CAT: variants seen among roughly 807,000 people sequenced by gnomAD.
CAT encodes catalase.
A neutral mutation model predicts 59.0 loss-of-function variants in CAT; 43 were observed. That is an observed-to-expected ratio of 0.73 (90% CI 0.57 to 0.94). The LOEUF is 0.94. Among genes scored for constraint, CAT ranks in the 40% least tolerant of loss-of-function variants. CAT has a pLI of 0.00. For missense variants in CAT, 664 were observed against 682.9 expected (o/e 0.97, Z 0.31); for synonymous variants, 218 against 230.9 (o/e 0.94, Z 0.51).
chr11:34,462,687 A>G (rs4755373), intron 9 of CAT, among the ~76,000 whole-genome samples: 41,820 of 151,990 alleles, frequency 0.28, 6,203 homozygotes, highest in East Asian at 0.49. Context: ...CAAAGTGCTG[A>G]GATTACAGGC....
At chr11:34,447,881 G>A (rs1179622793) in intron 1 of CAT, among the ~76,000 whole-genome samples, 1 of 152,190 alleles carries the variant, frequency 6.6e-6, no homozygotes, top group Non-Finnish European at 1.5e-5. Context: ...TACATAGCTG[G>A]TAATTGGTAG....
intron 3 of CAT, 54 bp downstream of exon 3, chr11:34,451,152 G>A (rs1856520070): frequency 9.7e-7 from 1 of 1,033,098 alleles, no homozygotes; most frequent in African/African-American, 1.6e-5. Context: ...TCACCTTTTG[G>A]GGATGTTTAT....
chr11:34,445,798 T>C (rs2133178715), intron 1 of CAT, among the ~76,000 whole-genome samples: 1 of 152,280 alleles, frequency 6.6e-6, no homozygotes, highest in South Asian at 2.1e-4. Flanking sequence ...TTAAAAACAA[T>C]AATTGCAAGT....
chr11:34,438,960 G>C lies in CAT; in HGVS notation c.-54G>C. 6.8e-7 allele frequency: 1 copy of C among 1,480,108 alleles called. No homozygotes were observed. The highest frequency in any genetic ancestry group is 9.2e-7 in the Non-Finnish European group (1 of 1,081,402). The allele number at this position is 1,480,108 out of a possible 1,614,324, so 91.7% of individuals were successfully genotyped here. A position where few individuals can be genotyped will look rare whatever the true frequency, so the allele number is the denominator to read the frequency against. On this transcript the variant is annotated 5_prime_UTR_variant, in exon 1 of 13. Coordinates refer to ENST00000241052, the MANE Select transcript of CAT (RefSeq NM_001752.4). ...ACAGGCAGATTTGCCTGCTGAGGGT[G>C]GAGACCCACGAGCCGAGGCCTCCTG...
At chr11:34,463,159 C>A (rs1427965041) in intron 9 of CAT, among the ~76,000 whole-genome samples, 1 of 152,126 alleles carries the variant, frequency 6.6e-6, no homozygotes, top group East Asian at 1.9e-4. Flanking sequence ...CTGGGCCACT[C>A]CTGTTTAGGC....
At chr11:34,451,165 C>T (rs1328778130) in intron 3 of CAT, 67 bp downstream of exon 3, 1 of 959,754 alleles carries the variant, frequency 1.0e-6, no homozygotes, top group Non-Finnish European at 1.7e-6. Context: ...ATGTTTATAA[C>T]TTAAAGAAAA....
Position 34,467,272 on chromosome 11 carries a change from C to T in CAT, c.1327-1016C>T, listed in dbSNP as rs150635751. ...AAGTCAACAGATATAGTGACCCAGT[C>T]GATGTTTTCACGCAATATGTCAAAT... On this transcript the variant is annotated intron_variant, in intron 10 of 12. Transcript: ENST00000241052. 1.6e-3 allele frequency among the ~76,000 whole-genome samples: 244 copies of T among 152,160 alleles called. 1 individual carries two copies. Among genetic ancestry groups the T allele is most frequent in the African/African-American group, 5.6e-3 (234 of 41,510 alleles).
In CAT at chr11:34,471,368, A is replaced by G. The variant is rs781688869; in HGVS notation, c.1519A>G (p.Asn507Asp). 2.0e-5 allele frequency: 33 copies of G among 1,613,690 alleles called. No individual in the cohort carries two copies. In the Admixed American group the frequency reaches 5.2e-4, roughly 25 times the overall value. Residue 507 changes from asparagine to aspartate, a missense_variant and splice_region_variant, in exon 13 of 13, where the codon AAT becomes GAT. By Grantham distance (23) the Asn-to-Asp change is conservative. Transcript: ENST00000241052. ...TGCTCATCTTGTTCTTTTAAAACAG[A>G]ATGCGATTCACACCTTTGTGCAGTC... ...LDKYNAEKPK[N>D]AIHTFVQSGS...
chr11:34,471,174 C>T (rs1055063256), intron 12 of CAT, 133 bp downstream of exon 12: 1 of 929,624 alleles, frequency 1.1e-6, no homozygotes, highest in African/African-American at 1.6e-5. Flanking sequence ...GGCAGCTGTG[C>T]AGAAATTCAT....
chr11:34,452,699 AC>A (rs1430968753), intron 4 of CAT, among the ~76,000 whole-genome samples: 1 of 152,120 alleles, frequency 6.6e-6, no homozygotes, highest in Non-Finnish European at 1.5e-5. Flanking sequence ...GCAAAAAAAT[AC>A]AAAAATTAGC....
chr11:34,461,155 T>A (rs1856644982), intron 8 of CAT, 96 bp from the exon 9 acceptor site: 1 of 1,317,432 alleles, frequency 7.6e-7, no homozygotes, highest in Non-Finnish European at 1.1e-6. Flanking sequence ...ATGTACAGAG[T>A]GCTTTGTACT....
At chr11:34,444,928 A>C (rs1343041515) in intron 1 of CAT, among the ~76,000 whole-genome samples, 1 of 152,262 alleles carries the variant, frequency 6.6e-6, no homozygotes, top group Non-Finnish European at 1.5e-5. Context: ...GGCAGTTTTC[A>C]TAACAAGTGT....
intron 1 of CAT, among the ~76,000 whole-genome samples, chr11:34,447,062 T>A (rs1437308922): frequency 6.6e-6 from 1 of 152,180 alleles, no homozygotes; most frequent in Non-Finnish European, 1.5e-5. Flanking sequence ...CCTTTATTTT[T>A]TAAAGGCTTC....
chr11:34,448,733 C>T lies in CAT; in HGVS notation c.67-459C>T, dbSNP rs568627896. Among the ~76,000 whole-genome samples, 4 of 152,088 alleles carry T rather than the reference C, an allele frequency of 2.6e-5. No individual in the cohort carries two copies. The South Asian group carries it at 6.2e-4, about 24-fold the overall frequency. ...TCTTGAGATGCACTAAACAAGGTAG[C>T]GCACTTGAAGATCGTGGCAGTAATA... On this transcript the variant is annotated intron_variant, in intron 1 of 12. Coordinates refer to ENST00000241052, the MANE Select transcript of CAT (RefSeq NM_001752.4).
At chr11:34,453,732 A>G (rs1856556630) in intron 5 of CAT, 69 bp from the exon 6 acceptor site, 2 of 1,459,976 alleles carry the variant, frequency 1.4e-6, no homozygotes, top group Non-Finnish European at 1.9e-6. Flanking sequence ...AAACTAAGGA[A>G]TATCTTAAAA....
chr11:34,453,976 CCTT>C (rs748380856), intron 6 of CAT, 50 bp downstream of exon 6: 2 of 1,584,350 alleles, frequency 1.3e-6, no homozygotes. Flanking sequence ...CCGCATACCT[CCTT>C]ATTTTTCCTG....
chr11:34,466,089 T>A (rs1164425578), intron 10 of CAT, among the ~76,000 whole-genome samples: 1 of 152,188 alleles, frequency 6.6e-6, no homozygotes, highest in Non-Finnish European at 1.5e-5. Flanking sequence ...AGCCTCTAGT[T>A]ATACTCAAGG....
intron 10 of CAT, among the ~76,000 whole-genome samples, chr11:34,465,114 G>A (rs1856699727): frequency 1.3e-5 from 2 of 152,160 alleles, no homozygotes; most frequent in African/African-American, 2.4e-5. Context: ...TGTGTCCAGT[G>A]CAACTTATAC....
chr11:34,461,429 G>A (rs2084837491), intron 9 of CAT, 40 bp downstream of exon 9: 1 of 1,612,950 alleles, frequency 6.2e-7, no homozygotes, highest in African/African-American at 1.3e-5. Context: ...CGTGGGCAGA[G>A]GGCACGTGGA....
Sources: allele counts gnomAD v4.1 joint callset (sites outside exome capture counted in the v4.1 genomes callset), GRCh38; gene constraint gnomAD v4.1.1; transcripts MANE v1.5; gene names NCBI Gene and HGNC (gene_info 2026-07-23, HGNC 2026-07-21).